GABRG3: variants seen among roughly 807,000 people sequenced by gnomAD.
GABRG3 encodes gamma-aminobutyric acid type A receptor subunit gamma3, also known as gamma-aminobutyric acid receptor subunit gamma-3.
Under a neutral mutation model 48.8 loss-of-function variants are expected in GABRG3, and 25 were observed. The observed-to-expected ratio is 0.51, with a 90% CI of 0.37 to 0.72. The LOEUF (loss-of-function observed/expected upper bound fraction) is 0.72, where lower values mean the gene tolerates loss of function less well. Among genes scored for constraint, GABRG3 ranks in the 30% least tolerant of loss-of-function variants. GABRG3 has a pLI of 0.00. For missense variants in GABRG3, 394 were observed against 577.9 expected, an observed-to-expected ratio of 0.68 and a Z score of 3.26; for synonymous variants, 227 against 217.6, an observed-to-expected ratio of 1.04 and a Z score of -0.38.
intron 3 of GABRG3, among the ~76,000 whole-genome samples, chr15:27,080,912 C>G (rs1325553765): frequency 2.6e-5 from 4 of 152,162 alleles, no homozygotes; most frequent in African/African-American, 9.7e-5. Context: ...CTTCTAACCA[C>G]CATAGAAACC....
rs115559717 is a variant in GABRG3, at chr15:27,470,720, C to T, written c.575-9930C>T. On this transcript the variant is annotated intron_variant, in intron 5 of 9. Coordinates refer to ENST00000615808, the MANE Select transcript of GABRG3 (RefSeq NM_033223.5). ...CTGTTTTCCCCAAATTGTTATTTGCCATTTTTACTTTTCTTATAGGGTACT... is the reference window on the plus strand; with the variant it reads ...CTGTTTTCCCCAAATTGTTATTTGCTATTTTTACTTTTCTTATAGGGTACT... 3.4e-3 allele frequency among the ~76,000 whole-genome samples: 511 copies of T among 151,976 alleles called. 1 individual carries two copies. The highest frequency in any genetic ancestry group is 0.012 in the African/African-American group (482 of 41,440).
chr15:27,447,961 T>C lies in GABRG3; in HGVS notation c.575-32689T>C, dbSNP rs187089792. Among the ~76,000 whole-genome samples, 63 of 152,270 alleles carry C rather than the reference T, an allele frequency of 4.1e-4. 1 individual carries two copies. The East Asian group carries it at 0.011, about 28-fold the overall frequency. The stretch of plus-strand genomic sequence containing the variant: ...CACGTGTATACCTATGTAGCAAACC[T>C]GTATGTTCTGCACATGTATCCCAGA... On this transcript the variant is annotated intron_variant, in intron 5 of 9. Transcript: ENST00000615808. This position sits in a 1 kb window ranked among gnomAD's most constrained non-coding sequence, Gnocchi z 4.0.
intron 3 of GABRG3, among the ~76,000 whole-genome samples, chr15:27,324,015 C>T (rs11629964): frequency 9.9e-5 from 15 of 152,124 alleles, no homozygotes; most frequent in Admixed American, 7.2e-4. Context: ...CAGCCCCAAA[C>T]GGGGAACAAC....
intron 5 of GABRG3, chr15:27,364,851 G>A (rs867705632): frequency 6.6e-6 from 1 of 152,132 alleles, no homozygotes; most frequent in Non-Finnish European, 1.5e-5. Context: ...CACAAGAAAG[G>A]GTATCCTATA....
intron 3 of GABRG3, among the ~76,000 whole-genome samples, chr15:27,172,995 C>T: frequency 6.6e-6 from 1 of 152,108 alleles, no homozygotes; most frequent in East Asian, 1.9e-4. Flanking sequence ...GCAATTTGTA[C>T]CCTGCGTCAT....
chr15:27,053,323 G>A (rs1896486139), intron 3 of GABRG3, among the ~76,000 whole-genome samples: 1 of 152,208 alleles, frequency 6.6e-6, no homozygotes, highest in Admixed American at 6.5e-5. Context: ...TAGAAAGTGA[G>A]TAAAGGACAT....
At chr15:27,132,893 T>C (rs139661391) in intron 3 of GABRG3, among the ~76,000 whole-genome samples, 181 of 152,038 alleles carry the variant, frequency 1.2e-3, no homozygotes, top group African/African-American at 3.5e-3. Flanking sequence ...TAAACTTAGA[T>C]TATTGATGTG....
intron 3 of GABRG3, among the ~76,000 whole-genome samples, chr15:27,256,406 A>T (rs1595617361): frequency 6.9e-6 from 1 of 145,868 alleles, no homozygotes; most frequent in South Asian, 2.2e-4. Context: ...GCGCCACTGC[A>T]CTCCAGCCTG....
chr15:27,488,722 C>T (rs544340756), intron 6 of GABRG3, among the ~76,000 whole-genome samples: 2 of 152,072 alleles, frequency 1.3e-5, no homozygotes, highest in East Asian at 1.9e-4. Context: ...TAAATATATC[C>T]CTTTGCAAAT....
intron 3 of GABRG3, among the ~76,000 whole-genome samples, chr15:27,275,322 C>G (rs1412304589): frequency 6.6e-6 from 1 of 152,062 alleles, no homozygotes; most frequent in East Asian, 1.9e-4. Flanking sequence ...TACCTGCTAT[C>G]CCTTTGAATT....
intron 5 of GABRG3, among the ~76,000 whole-genome samples, chr15:27,393,908 T>G (rs907981430): frequency 6.6e-5 from 10 of 152,212 alleles, no homozygotes; most frequent in Admixed American, 2.0e-4. Flanking sequence ...ATCTGTAAGA[T>G]AATAAATTAT....
intron 3 of GABRG3, among the ~76,000 whole-genome samples, chr15:27,060,595 G>A (rs538007514): frequency 6.6e-6 from 1 of 152,326 alleles, no homozygotes; most frequent in South Asian, 2.1e-4. Context: ...TGTGTGAAAC[G>A]TTAAGTGGCG....
Position 27,536,596 on chromosome 15 carries a change from G to A in GABRG3, c.*3715G>A, listed in dbSNP as rs774979037. On this transcript the variant is annotated 3_prime_UTR_variant, in exon 10 of 10. Coordinates refer to ENST00000615808, the MANE Select transcript of GABRG3 (RefSeq NM_033223.5). The stretch of plus-strand genomic sequence containing the variant: ...ACTGAGAAAATGCGTGTTCTCAAGA[G>A]CAAAGCATTTTCACTCTACATAAGG... 6 of 152,226 alleles carry A rather than the reference G, an allele frequency of 3.9e-5. No individual in the cohort carries two copies. Among genetic ancestry groups the A allele is most frequent in the Admixed American group, 1.3e-4 (2 of 15,304 alleles). The allele number at this position is 152,226 out of a possible 1,614,324, so 9.4% of individuals were successfully genotyped here.
intron 5 of GABRG3, among the ~76,000 whole-genome samples, chr15:27,401,189 G>T (rs1326476030): frequency 6.6e-6 from 1 of 152,128 alleles, no homozygotes; most frequent in African/African-American, 2.4e-5. Context: ...AGTAAATATT[G>T]AGCTCACTGG....
chr15:27,226,424 G>A (rs887711544), intron 3 of GABRG3, among the ~76,000 whole-genome samples: 7 of 152,154 alleles, frequency 4.6e-5, no homozygotes, highest in African/African-American at 1.2e-4. Context: ...GGAGGGGGTG[G>A]GACCGCAGTG....
intron 3 of GABRG3, among the ~76,000 whole-genome samples, chr15:27,140,154 C>G (rs208170): frequency 0.23 from 35,097 of 152,106 alleles, 5,285 homozygotes; most frequent in Non-Finnish European, 0.33. Flanking sequence ...GATGTTCTAG[C>G]ACATTAACCA....
chr15:27,539,447 G>T lies in GABRG3; in HGVS notation c.*6566G>T, dbSNP rs1891618763. On this transcript the variant is annotated 3_prime_UTR_variant, in exon 10 of 10. Coordinates refer to ENST00000615808, the MANE Select transcript of GABRG3 (RefSeq NM_033223.5). ...CTAATCTAAGGAGGTCTATTCGAAA[G>T]GATAGTGCTTGACTTTCAATTTATA... is the stretch of plus-strand genomic sequence containing the variant. 1 of 152,186 alleles carries T rather than the reference G, an allele frequency of 6.6e-6. No homozygotes were observed. The highest frequency in any genetic ancestry group is 2.1e-4 in the South Asian group (1 of 4,830). The allele number at this position is 152,186 out of a possible 1,614,324, so 9.4% of individuals were successfully genotyped here.
chr15:27,155,696 A>G (rs1364637514), intron 3 of GABRG3, among the ~76,000 whole-genome samples: 3 of 152,012 alleles, frequency 2.0e-5, no homozygotes, highest in Non-Finnish European at 4.4e-5. Context: ...TCATTGCTGG[A>G]TAGGGAGGGA....
chr15:27,210,302 C>A (rs533208623), intron 3 of GABRG3, among the ~76,000 whole-genome samples: 4 of 152,338 alleles, frequency 2.6e-5, no homozygotes, highest in South Asian at 4.1e-4. Flanking sequence ...CAGTCTCTGT[C>A]TTACAGATGC....
Sources: gnomAD v4.1 joint callset for allele counts (sites outside exome capture counted in the v4.1 genomes callset) on GRCh38, gnomAD v4.1.1 for gene constraint, Gnocchi (gnomAD v3.1) non-coding constraint, MANE v1.5 for transcripts, NCBI Gene and HGNC (gene_info 2026-07-23, HGNC 2026-07-21) for gene names.